Variants in LANCL2 observed in about 807,000 individuals in gnomAD.
The protein encoded by LANCL2 is lanC-like protein 2.
LANCL2 carries 33 observed loss-of-function variants against 56.9 expected under a neutral mutation model. That is an observed-to-expected ratio of 0.58 (90% CI 0.44 to 0.78). The LOEUF is 0.78. LANCL2 is among the 30% of genes least tolerant of loss of function. The pLI is 0.00. For missense variants in LANCL2, 562 were observed against 580.2 expected (o/e 0.97, Z 0.32); for synonymous variants, 233 against 228.2 (o/e 1.02, Z -0.19).
chr7:55,408,979 CAA>C (rs35907460), intron 5 of LANCL2, among the ~76,000 whole-genome samples: 106 of 116,080 alleles, frequency 9.1e-4, no homozygotes, highest in Admixed American at 1.1e-3. Context: ...AACTCTGTCT[CAA>C]AAAAAAAAAA....
At chr7:55,375,734 C>G (rs774213907) in intron 1 of LANCL2, among the ~76,000 whole-genome samples, 1 of 152,222 alleles carries the variant, frequency 6.6e-6, no homozygotes, top group African/African-American at 2.4e-5. Flanking sequence ...GTCAAAGCAT[C>G]TTCAAGGCTG....
chr7:55,404,766 G>C (rs945836073), intron 5 of LANCL2, among the ~76,000 whole-genome samples: 2 of 151,872 alleles, frequency 1.3e-5, no homozygotes, highest in African/African-American at 4.8e-5. Flanking sequence ...GGCATGCACC[G>C]CCACACCTGG....
At chr7:55,418,205 A>G (rs1474866895) in intron 6 of LANCL2, among the ~76,000 whole-genome samples, 2 of 146,956 alleles carry the variant, frequency 1.4e-5, no homozygotes, top group Non-Finnish European at 3.0e-5. Flanking sequence ...TTGGAGACAT[A>G]GAGTCTCACT....
intron 1 of LANCL2, among the ~76,000 whole-genome samples, chr7:55,388,764 GC>G (rs1235084670): frequency 6.6e-6 from 1 of 152,204 alleles, no homozygotes; most frequent in Non-Finnish European, 1.5e-5. Context: ...GGAGCAGAGA[GC>G]CCCTTCAGCT....
chr7:55,396,753 G>A (rs1381884205), intron 2 of LANCL2, among the ~76,000 whole-genome samples: 1 of 151,920 alleles, frequency 6.6e-6, no homozygotes, highest in Non-Finnish European at 1.5e-5. Flanking sequence ...TTAAAATACT[G>A]AAGCATTAAG....
chr7:55,367,886 C>T (rs913705654), intron 1 of LANCL2, among the ~76,000 whole-genome samples: 1 of 152,172 alleles, frequency 6.6e-6, no homozygotes, highest in African/African-American at 2.4e-5. Flanking sequence ...TTAAGTTACA[C>T]GGTTTAGATT....
chr7:55,417,880 A>G (rs1174476873), intron 6 of LANCL2, among the ~76,000 whole-genome samples: 2 of 151,982 alleles, frequency 1.3e-5, no homozygotes, highest in African/African-American at 4.8e-5. Flanking sequence ...GGGTTTCACC[A>G]TGTTCGCCAG....
intron 1 of LANCL2, among the ~76,000 whole-genome samples, chr7:55,370,884 A>G (rs1202859144): frequency 6.6e-6 from 1 of 152,234 alleles, no homozygotes; most frequent in Non-Finnish European, 1.5e-5. Context: ...GATTGGAAGG[A>G]TTCTTTTAAA....
intron 1 of LANCL2, among the ~76,000 whole-genome samples, chr7:55,376,271 G>A (rs1789998722): frequency 6.6e-6 from 1 of 152,170 alleles, no homozygotes; most frequent in African/African-American, 2.4e-5. Context: ...GGTAATAGTT[G>A]TAGCTTTACT....
rs1790717990 is a variant in LANCL2 at position 55,430,700 on chromosome 7, G to T, written c.1259-526G>T. On this transcript the variant is annotated intron_variant, in intron 8 of 8. Transcript: ENST00000254770. ...GATTTGAGTGGGGACAGGAGACCTG[G>T]AGGCCTTGGTGGGCTACTAGCACCT... Among the ~76,000 whole-genome samples, 3 of 152,192 alleles carry T rather than the reference G, an allele frequency of 2.0e-5. No individual in the cohort carries two copies. The South Asian group carries it at 6.2e-4, about 32-fold the overall frequency.
Position 55,365,540 on chromosome 7 carries a change from G to A in LANCL2, c.-486G>A, listed in dbSNP as rs1345913763. 1.3e-5 allele frequency: 2 copies of A among 152,692 alleles called. No homozygotes were observed. The highest frequency in any genetic ancestry group is 2.9e-5 in the Non-Finnish European group (2 of 68,382). 9.5% of individuals were successfully genotyped at this position (152,692 alleles called of 1,614,324 possible). On this transcript the variant is annotated 5_prime_UTR_variant, in exon 1 of 9. It adds an upstream start codon to the 5' untranslated region. Coordinates refer to ENST00000254770, the MANE Select transcript of LANCL2 (RefSeq NM_018697.4). ...GGTCGGCGACGCGCACACACCTTGA[G>A]TGACAGCGACCTCTTCTCTACAGGT...
intron 6 of LANCL2, among the ~76,000 whole-genome samples, chr7:55,414,807 A>T (rs992124158): frequency 6.6e-6 from 1 of 151,758 alleles, no homozygotes; most frequent in African/African-American, 2.4e-5. Context: ...TGGCAAAACC[A>T]TGTCTCTACT....
intron 1 of LANCL2, among the ~76,000 whole-genome samples, chr7:55,383,581 A>G (rs1790092398): frequency 6.6e-6 from 1 of 152,224 alleles, no homozygotes; most frequent in African/African-American, 2.4e-5. Context: ...TAGCCCTTCA[A>G]GCCGTTTTTC....
chr7:55,390,791 T>A (rs923472515), intron 1 of LANCL2, among the ~76,000 whole-genome samples: 1 of 145,940 alleles, frequency 6.9e-6, no homozygotes, highest in East Asian at 2.0e-4. Context: ...AAAAAAAAAA[T>A]CAGCAAAGGT....
intron 1 of LANCL2, 75 bp downstream of exon 1, chr7:55,366,304 T>G (rs1349697862): frequency 7.7e-7 from 1 of 1,295,748 alleles, no homozygotes; most frequent in African/African-American, 1.6e-5. Context: ...CCGCCAGGCG[T>G]GACGTCACAG....
intron 5 of LANCL2, among the ~76,000 whole-genome samples, chr7:55,402,822 G>A (rs1169637953): frequency 2.9e-5 from 4 of 138,660 alleles, no homozygotes; most frequent in African/African-American, 1.1e-4. Context: ...GGGCAGAGAC[G>A]CTCCTCACAT....
intron 6 of LANCL2, 52 bp from the exon 7 acceptor site, chr7:55,425,202 A>G (rs1790651353): frequency 1.9e-6 from 3 of 1,570,944 alleles, no homozygotes; most frequent in African/African-American, 2.7e-5. Flanking sequence ...TATTTTGCCA[A>G]CTCATCGTTG....
Position 55,422,085 on chromosome 7 carries a change from C to T in LANCL2, c.1009-3169C>T, listed in dbSNP as rs146643925. Among the ~76,000 whole-genome samples the T allele has an allele frequency of 8.0e-4, 122 of 152,004 alleles. 2 individuals are homozygous for T. In the East Asian group the frequency reaches 0.022, roughly 27 times the overall value. ...CATATTTTATTTGAATTGATACAAG[C>T]AAAAAAGATAGTTTTGATATTTATT... On this transcript the variant is annotated intron_variant, in intron 6 of 8. Transcript: ENST00000254770.
intron 1 of LANCL2, among the ~76,000 whole-genome samples, chr7:55,376,745 A>G (rs1790007629): frequency 6.6e-6 from 1 of 152,232 alleles, no homozygotes; most frequent in African/African-American, 2.4e-5. Flanking sequence ...GGCATTTATT[A>G]TATGCAATCA....
Sources: allele counts gnomAD v4.1 joint callset (sites outside exome capture counted in the v4.1 genomes callset), GRCh38; gene constraint gnomAD v4.1.1; transcripts MANE v1.5; gene names NCBI Gene and HGNC (gene_info 2026-07-23, HGNC 2026-07-21).